Variants in SOCS7 observed in about 807,000 individuals in gnomAD.
SOCS7 encodes the protein NAP-4.
In SOCS7, 18 loss-of-function variants were observed where a neutral mutation model predicts 58.9. The ratio of observed to expected loss-of-function variants is 0.31; its 90% CI spans 0.21 to 0.45. The LOEUF (loss-of-function observed/expected upper bound fraction) is 0.45. SOCS7 is among the 20% of genes least tolerant of loss of function. SOCS7 has a pLI of 1.00. For synonymous variants in SOCS7, 388 were observed against 364.3 expected (o/e 1.06, Z -0.74); for missense variants, 667 against 837.3 (o/e 0.80, Z 2.51).
chr17:38,368,098 A>G (rs772162015), intron 6 of SOCS7, 48 bp downstream of exon 6: 6 of 1,508,690 alleles, frequency 4.0e-6, no homozygotes, highest in African/African-American at 2.8e-5. Flanking sequence ...GATTTGCTCT[A>G]CCTTTGCTGT....
intron 6 of SOCS7, among the ~76,000 whole-genome samples, chr17:38,374,182 T>C (rs965248174): frequency 3.3e-5 from 5 of 152,166 alleles, no homozygotes; most frequent in Non-Finnish European, 7.3e-5. Flanking sequence ...ATTGCTTCGC[T>C]GCACTCCAGC....
At chr17:38,370,576 A>T (rs886135378) in intron 6 of SOCS7, among the ~76,000 whole-genome samples, 1 of 151,328 alleles carries the variant, frequency 6.6e-6, no homozygotes, top group Non-Finnish European at 1.5e-5. Flanking sequence ...CCTGGACTGG[A>T]GCAATTCTAC....
intron 7 of SOCS7, among the ~76,000 whole-genome samples, chr17:38,382,174 A>G (rs2038011830): frequency 6.6e-6 from 1 of 151,850 alleles, no homozygotes; most frequent in African/African-American, 2.4e-5. Context: ...CACATCTGTA[A>G]TCCCAGCACT....
In SOCS7 at chr17:38,384,796, T is replaced by TAG. The variant is rs1448235215; in HGVS notation, c.1681+6954_1681+6955insAG. Among the ~76,000 whole-genome samples the TAG allele has an allele frequency of 5.9e-5, 9 of 152,058 alleles. No individual in the cohort carries two copies. The South Asian group carries it at 1.5e-3, about 25-fold the overall frequency. On this transcript the variant is annotated intron_variant, in intron 7 of 9. Coordinates refer to ENST00000612932, the MANE Select transcript of SOCS7 (RefSeq NM_014598.4). ...TTAGTAGAGGCAGGGTTTTACCATG[T>TAG]TGGTCAGGCTTGTCTTGAACTCCTG...
intron 1 of SOCS7, among the ~76,000 whole-genome samples, chr17:38,358,077 A>G (rs1372563594): frequency 1.3e-5 from 2 of 152,196 alleles, no homozygotes; most frequent in African/African-American, 4.8e-5. Context: ...GCTGGCCTCA[A>G]AGACCTTTGC....
intron 9 of SOCS7, 36 bp downstream of exon 9, chr17:38,396,034 C>G: frequency 6.6e-7 from 1 of 1,518,276 alleles, no homozygotes; most frequent in Non-Finnish European, 8.8e-7. Context: ...AGCCACATTT[C>G]TTCCTGGGCA....
chr17:38,385,489 T>A (rs750496392), intron 7 of SOCS7, among the ~76,000 whole-genome samples: 23 of 151,460 alleles, frequency 1.5e-4, no homozygotes, highest in Non-Finnish European at 3.2e-4. Flanking sequence ...ATCATATGCA[T>A]GGTTTAATAT....
rs999823796 is a variant in SOCS7 at position 38,351,921 on chromosome 17, T to C, written c.-132T>C. On this transcript the variant is annotated 5_prime_UTR_variant, in exon 1 of 10. Transcript: ENST00000612932. ...GCTCCGCGCGCCCCCCGCCCCCCTC[T>C]ATGAGGCAGAGGCCGCGGCGGCCGT... Among the ~76,000 whole-genome samples, 1 of 150,892 alleles carries C rather than the reference T, an allele frequency of 6.6e-6. No homozygotes were observed. The highest frequency in any genetic ancestry group is 1.5e-5 in the Non-Finnish European group (1 of 67,684).
intron 7 of SOCS7, among the ~76,000 whole-genome samples, chr17:38,394,921 G>A (rs1445395326): frequency 1.3e-5 from 2 of 152,138 alleles, no homozygotes; most frequent in Non-Finnish European, 2.9e-5. Context: ...ACGATGGCAT[G>A]CATCTGTGGT....
chr17:38,375,327 CCCTCTT>C (rs147387729), intron 6 of SOCS7, among the ~76,000 whole-genome samples: 7,885 of 152,142 alleles, frequency 0.052, 217 homozygotes, highest in Middle Eastern at 0.21. Context: ...TGAGACACCC[CCCTCTT>C]CCTCTTCCTC....
intron 1 of SOCS7, 66 bp from the exon 2 acceptor site, chr17:38,361,645 T>A (rs758766751): frequency 6.8e-5 from 82 of 1,205,564 alleles, no homozygotes; most frequent in Non-Finnish European, 9.0e-5. Context: ...CTGAGTGTTG[T>A]GGTGACTTAA....
chr17:38,394,229 T>C (rs2038215702), intron 7 of SOCS7, among the ~76,000 whole-genome samples: 1 of 152,156 alleles, frequency 6.6e-6, no homozygotes, highest in South Asian at 2.1e-4. Flanking sequence ...GGTACTCCCA[T>C]TGAGTCTATT....
intron 1 of SOCS7, among the ~76,000 whole-genome samples, chr17:38,355,520 T>C (rs2037625958): frequency 6.6e-6 from 1 of 152,142 alleles, no homozygotes; most frequent in Non-Finnish European, 1.5e-5. Flanking sequence ...AAGTCCGCAA[T>C]AGTGGGAGGA....
At chr17:38,387,523 ATATT>A (rs2038090637) in intron 7 of SOCS7, among the ~76,000 whole-genome samples, 1 of 142,682 alleles carries the variant, frequency 7.0e-6, no homozygotes, top group South Asian at 2.1e-4. Context: ...TATATTGTAT[ATATT>A]ATATACACAA....
chr17:38,404,818 GAACC>G lies in SOCS7; in HGVS notation c.*5337_*5340del, dbSNP rs2038369478. ...GACCTGTCCCTCACTCTTAGGCCCA[GAACC>G]TGTCCAAGGGACAGGTAGGGTCCAG... On this transcript the variant is annotated 3_prime_UTR_variant, in exon 10 of 10. Coordinates refer to ENST00000612932, the MANE Select transcript of SOCS7 (RefSeq NM_014598.4). 6 of 152,288 alleles carry G rather than the reference GAACC, an allele frequency of 3.9e-5. No homozygotes were observed. The highest frequency in any genetic ancestry group is 7.2e-5 in the African/African-American group (3 of 41,456). The allele number at this position is 152,288 out of a possible 1,614,324, so 9.4% of individuals were successfully genotyped here.
At chr17:38,372,690 A>G (rs939824237) in intron 6 of SOCS7, among the ~76,000 whole-genome samples, 4 of 152,234 alleles carry the variant, frequency 2.6e-5, no homozygotes, top group East Asian at 1.9e-4. Flanking sequence ...AAGTTCCCCT[A>G]AGAGGCAGAG....
chr17:38,367,287 A>G (rs587748859), intron 5 of SOCS7, among the ~76,000 whole-genome samples: 95 of 150,838 alleles, frequency 6.3e-4, no homozygotes, highest in African/African-American at 2.3e-3. Context: ...CTGGTCTTGA[A>G]CTCCTGACCT....
chr17:38,368,094 C>A, intron 6 of SOCS7, 44 bp downstream of exon 6: 1 of 1,528,970 alleles, frequency 6.5e-7, no homozygotes, highest in Admixed American at 2.0e-5. Flanking sequence ...CCTTGATTTG[C>A]TCTACCTTTG....
intron 1 of SOCS7, among the ~76,000 whole-genome samples, chr17:38,356,938 AT>A (rs753371795): frequency 1.3e-5 from 2 of 152,256 alleles, no homozygotes; most frequent in Non-Finnish European, 2.9e-5. Flanking sequence ...ATTTTGAATC[AT>A]CACGTAATAC....
Sources: gnomAD v4.1 joint callset for allele counts (sites outside exome capture counted in the v4.1 genomes callset) on GRCh38, gnomAD v4.1.1 for gene constraint, MANE v1.5 for transcripts, NCBI Gene and HGNC (gene_info 2026-07-23, HGNC 2026-07-21) for gene names.